The following LYPD6B variants were observed in gnomAD, a reference collection of about 807,000 sequenced individuals.
The protein encoded by LYPD6B is ly6/PLAUR domain-containing protein 6B.
LYPD6B carries 17 observed loss-of-function variants against 22.8 expected under a neutral mutation model. The ratio of observed to expected loss-of-function variants is 0.75; its 90% confidence interval spans 0.51 to 1.12. The LOEUF (loss-of-function observed/expected upper bound fraction) is 1.12, where lower values mean the gene tolerates loss of function less well. Among genes scored for constraint, LYPD6B ranks in the 50% most tolerant of loss-of-function variants. The pLI is 0.00. For missense variants in LYPD6B, 221 were observed against 258.3 expected, an observed-to-expected ratio of 0.86 and a Z score of 0.99; for synonymous variants, 106 against 91.6, an observed-to-expected ratio of 1.16 and a Z score of -0.90.
intron 2 of LYPD6B, among the ~76,000 whole-genome samples, chr2:149,150,827 G>A (rs1689320675): frequency 6.6e-6 from 1 of 151,908 alleles, no homozygotes; most frequent in Non-Finnish European, 1.5e-5. Flanking sequence ...CTGATCTTCT[G>A]TGCCTTTATC....
intron 1 of LYPD6B, among the ~76,000 whole-genome samples, chr2:149,097,815 G>A (rs1286101790): frequency 2.6e-5 from 4 of 152,216 alleles, no homozygotes; most frequent in Admixed American, 1.3e-4. Context: ...GTCAATGGCT[G>A]TTGATCCATC....
chr2:149,126,365 G>T (rs1687696300), intron 1 of LYPD6B, among the ~76,000 whole-genome samples: 1 of 152,088 alleles, frequency 6.6e-6, no homozygotes, highest in Non-Finnish European at 1.5e-5. Context: ...CCTACTGTTG[G>T]CCAGAAGCCT....
At chr2:149,117,471 A>G (rs932921150) in intron 1 of LYPD6B, among the ~76,000 whole-genome samples, 4 of 152,086 alleles carry the variant, frequency 2.6e-5, no homozygotes, top group African/African-American at 9.7e-5. Flanking sequence ...GGGTTTCGCC[A>G]TGTTAGTCAG....
intron 1 of LYPD6B, among the ~76,000 whole-genome samples, chr2:149,048,106 T>A (rs1466835682): frequency 2.0e-5 from 3 of 152,240 alleles, no homozygotes; most frequent in Admixed American, 1.3e-4. Context: ...AGCTTCAGCA[T>A]CTAGGTCTGG....
intron 2 of LYPD6B, among the ~76,000 whole-genome samples, chr2:149,135,394 AT>A (rs1489180729): frequency 2.0e-5 from 3 of 152,032 alleles, no homozygotes; most frequent in Non-Finnish European, 4.4e-5. Context: ...CTTTGTGTGC[AT>A]ATTTAAATAT....
At chr2:149,063,376 C>A (rs1364254149) in intron 1 of LYPD6B, among the ~76,000 whole-genome samples, 1 of 152,100 alleles carries the variant, frequency 6.6e-6, no homozygotes, top group Non-Finnish European at 1.5e-5. Context: ...CTACCATATA[C>A]TTATATACCC....
chr2:149,201,983 C>T (rs1693189277), intron 3 of LYPD6B, among the ~76,000 whole-genome samples: 1 of 152,142 alleles, frequency 6.6e-6, no homozygotes, highest in South Asian at 2.1e-4. Flanking sequence ...ACTAGGGTTC[C>T]TACAGTGCTA....
chr2:149,071,369 G>T (rs1387534410), intron 1 of LYPD6B, among the ~76,000 whole-genome samples: 1 of 152,170 alleles, frequency 6.6e-6, no homozygotes, highest in Non-Finnish European at 1.5e-5. Flanking sequence ...GAGAGGTAAA[G>T]GATGGGAATC....
chr2:149,207,478 T>C lies in LYPD6B; in HGVS notation c.230-836T>C, dbSNP rs551823022. Reference sequence around the variant, plus strand: ...TACACAGAAATGTCAAATTATTTTATTTTTTTCTTCTTGTCCGCTAAAATT... The same window carrying C: ...TACACAGAAATGTCAAATTATTTTACTTTTTTCTTCTTGTCCGCTAAAATT... On this transcript the variant is annotated intron_variant, in intron 4 of 6. Transcript: ENST00000409642. 9.2e-5 allele frequency among the ~76,000 whole-genome samples: 14 copies of C among 152,148 alleles called. No homozygotes were observed. The South Asian group carries it at 2.9e-3, about 32-fold the overall frequency.
chr2:149,185,200 A>T (rs1042025705), intron 3 of LYPD6B, among the ~76,000 whole-genome samples: 26 of 152,176 alleles, frequency 1.7e-4, no homozygotes, highest in African/African-American at 6.3e-4. Context: ...TAAAGGCAAG[A>T]TTTTTTTCAG....
chr2:149,041,446 G>A (rs1022153781), intron 1 of LYPD6B, among the ~76,000 whole-genome samples: 10 of 152,140 alleles, frequency 6.6e-5, no homozygotes, highest in African/African-American at 2.2e-4. Context: ...GTGGTCTAAC[G>A]CTTACCCTGA....
intron 3 of LYPD6B, among the ~76,000 whole-genome samples, chr2:149,184,050 G>C (rs1691933810): frequency 6.6e-6 from 1 of 151,928 alleles, no homozygotes; most frequent in South Asian, 2.1e-4. Context: ...AAATTAGCCG[G>C]GCATGGTGGC....
chr2:149,169,081 C>A (rs1690636769), intron 3 of LYPD6B, among the ~76,000 whole-genome samples: 1 of 152,006 alleles, frequency 6.6e-6, no homozygotes, highest in South Asian at 2.1e-4. Context: ...TTGAGTAATG[C>A]ACTATGGAAA....
At chr2:149,148,457 A>G (rs1689170121) in intron 2 of LYPD6B, among the ~76,000 whole-genome samples, 1 of 152,212 alleles carries the variant, frequency 6.6e-6, no homozygotes, top group African/African-American at 2.4e-5. Flanking sequence ...ATGCTGGGGA[A>G]GGAAGAGGGG....
chr2:149,067,451 C>T (rs2105343477), intron 1 of LYPD6B, among the ~76,000 whole-genome samples: 1 of 151,920 alleles, frequency 6.6e-6, no homozygotes, highest in East Asian at 1.9e-4. Context: ...TCAGAAAACA[C>T]AGAAAAGTGA....
At chr2:149,165,918 C>A (rs932784041) in intron 3 of LYPD6B, among the ~76,000 whole-genome samples, 5 of 151,996 alleles carry the variant, frequency 3.3e-5, no homozygotes, top group Non-Finnish European at 7.4e-5. Flanking sequence ...CCCAAGTGAC[C>A]AAAAATGGTT....
intron 1 of LYPD6B, among the ~76,000 whole-genome samples, chr2:149,125,034 G>A (rs1248544980): frequency 6.6e-6 from 1 of 152,204 alleles, no homozygotes; most frequent in African/African-American, 2.4e-5. Context: ...GCAAGTTGGT[G>A]TGGATCGATG....
At chr2:149,170,555 G>A (rs1363872538) in intron 3 of LYPD6B, among the ~76,000 whole-genome samples, 3 of 152,062 alleles carry the variant, frequency 2.0e-5, no homozygotes, top group Admixed American at 6.5e-5. Flanking sequence ...AGGCATGTGT[G>A]TTCAGTTCAT....
chr2:149,165,908 C>T (rs1690389508), intron 3 of LYPD6B, among the ~76,000 whole-genome samples: 1 of 152,104 alleles, frequency 6.6e-6, no homozygotes, highest in Non-Finnish European at 1.5e-5. Context: ...CCTGGGTACA[C>T]CCAAGTGACC....
Sources: gnomAD v4.1 joint callset for allele counts (sites outside exome capture counted in the v4.1 genomes callset) on GRCh38, gnomAD v4.1.1 for gene constraint, MANE v1.5 for transcripts, NCBI Gene and HGNC (gene_info 2026-07-23, HGNC 2026-07-21) for gene names.